The following GARRE1 variants were observed in gnomAD, a reference collection of about 807,000 sequenced individuals.
The protein encoded by GARRE1 is granule associated Rac and RHOG effector 1.
Under a neutral mutation model 103.2 loss-of-function variants are expected in GARRE1, and 49 were observed. That is an observed-to-expected ratio of 0.47 (90% CI 0.38 to 0.60). GARRE1 has a LOEUF of 0.60. Ranked by LOEUF, GARRE1 falls within the 20% of genes least tolerant of loss-of-function variation. GARRE1 has a pLI of 0.00. For missense variants in GARRE1, 1,199 were observed against 1,370.5 expected (o/e 0.87, Z 1.98); for synonymous variants, 505 against 532.8 (o/e 0.95, Z 0.72).
chr19:34,319,979 C>T lies in GARRE1; in HGVS notation c.568C>T (p.Gln190Ter). The stretch of plus-strand genomic sequence containing the variant: ...TTTGACTCATGCGTTACAGAAGGTC[C>T]AGCCGGTGGCTCACTCTTGCTTTGC... The part of the protein sequence containing the change: ...QFLTHALQKV[Q>*]PVAHSCFAEV... The change falls in exon 3 of 14, where the codon CAG becomes TAG. Residue 190 changes from glutamine (Q) to a stop codon, truncating the protein, a stop_gained. Coordinates refer to ENST00000299505, the MANE Select transcript of GARRE1 (RefSeq NM_014686.5). LOFTEE classifies it high-confidence loss of function. The T allele has an allele frequency of 6.2e-7, 1 of 1,614,228 alleles. No individual in the cohort carries two copies. Among genetic ancestry groups the T allele is most frequent in the Non-Finnish European group, 8.5e-7 (1 of 1,180,056 alleles).
intron 2 of GARRE1, 147 bp from the exon 3 acceptor site, chr19:34,319,760 T>C: frequency 1.4e-6 from 1 of 695,198 alleles, no homozygotes; most frequent in Admixed American, 2.5e-5. Flanking sequence ...AGGCAGATCC[T>C]TCTGAAGCAT....
chr19:34,307,576 T>C (rs1406956627), intron 2 of GARRE1, among the ~76,000 whole-genome samples: 2 of 147,538 alleles, frequency 1.4e-5, no homozygotes, highest in East Asian at 1.9e-4. Flanking sequence ...TTTTTATATA[T>C]GTATGTATAT....
At position 34,351,555 on chromosome 19, in the gene GARRE1, C is replaced by T. The variant is rs1352326707; in HGVS notation, c.2867C>T (p.Ser956Leu). The T allele has an allele frequency of 6.2e-7, 1 of 1,613,986 alleles. No homozygotes were observed. Among genetic ancestry groups the T allele is most frequent in the South Asian group, 1.1e-5 (1 of 91,070 alleles). Reference protein sequence around the residue: ...SGEQDTSTLPSPPLLTTVEDV... With the variant: ...SGEQDTSTLPLPPLLTTVEDV... ...GAGCAAGACACCAGCACGCTGCCCT[C>T]ACCACCTCTCCTCACCACGGTGGAG... is the stretch of plus-strand genomic sequence containing the variant. The change falls in exon 13 of 14, where the codon TCA becomes TTA. Residue 956 changes from serine to leucine, a missense_variant. Transcript: ENST00000299505.
At chr19:34,294,821 G>C (rs891087389) in intron 1 of GARRE1, among the ~76,000 whole-genome samples, 2 of 152,066 alleles carry the variant, frequency 1.3e-5, no homozygotes, top group Non-Finnish European at 2.9e-5. Context: ...CTATGGGTGG[G>C]CAGCAACACA....
At position 34,300,568 on chromosome 19, in the gene GARRE1, AC is replaced by A; in HGVS notation, c.98del (p.Pro33ArgfsTer9). ...CAGAAGGTGCAGCAGCACCAGCAAT[AC>A]CCGATGCCTGAGCTGGGCCGAGCAC... Reference protein sequence around the residue: ...SKQKVQQHQQYPMPELGRALS... With the variant: ...SKQKVQQHQQXPMPELGRALS... On this transcript the variant is annotated frameshift_variant, in exon 2 of 14. Transcript: ENST00000299505. LOFTEE classifies it high-confidence loss of function. 1 of 1,613,472 alleles carries A rather than the reference AC, an allele frequency of 6.2e-7. No individual in the cohort carries two copies. Among genetic ancestry groups the A allele is most frequent in the Non-Finnish European group, 8.5e-7 (1 of 1,180,002 alleles).
chr19:34,344,327 A>G (rs2145281927), intron 10 of GARRE1, among the ~76,000 whole-genome samples: 1 of 152,244 alleles, frequency 6.6e-6, no homozygotes, highest in Admixed American at 6.5e-5. Context: ...GCTGTGGCTC[A>G]CGCCTGTAAT....
chr19:34,334,949 A>T (rs1395374950), intron 8 of GARRE1, among the ~76,000 whole-genome samples: 2 of 151,768 alleles, frequency 1.3e-5, no homozygotes, highest in Non-Finnish European at 2.9e-5. Flanking sequence ...AGCTTAAGGC[A>T]GGAGAACCGC....
chr19:34,322,344 G>A (rs1249478777), intron 3 of GARRE1, among the ~76,000 whole-genome samples: 1 of 151,768 alleles, frequency 6.6e-6, no homozygotes, highest in Non-Finnish European at 1.5e-5. Context: ...GCTAATTTTT[G>A]TATTTTTAGT....
At chr19:34,346,072 G>A (rs945884994) in intron 10 of GARRE1, among the ~76,000 whole-genome samples, 3 of 152,162 alleles carry the variant, frequency 2.0e-5, no homozygotes, top group Admixed American at 6.5e-5. Flanking sequence ...TAGTGGCCCC[G>A]TCTAGATAGG....
rs1237715804 is a variant in GARRE1, at chr19:34,339,896, C to T, written c.1391C>T (p.Ser464Phe). 1 of 1,614,158 alleles carries T rather than the reference C, an allele frequency of 6.2e-7. No homozygotes were observed. Among genetic ancestry groups the T allele is most frequent in the Non-Finnish European group, 8.5e-7 (1 of 1,180,026 alleles). ...WCLKEDPATM[S>F]LLQRSLDPEK... ...CTGAAAGAAGACCCTGCTACCATGT[C>T]CCTGCTGCAGAGAAGCCTTGATCCT... Residue 464 changes from serine (S) to phenylalanine (F), a missense_variant, in exon 9 of 14, where the codon TCC (serine) becomes TTC (phenylalanine). Physicochemically the swap from Ser to Phe is radical, Grantham distance 155 (BLOSUM62 -2). Transcript: ENST00000299505.
intron 8 of GARRE1, among the ~76,000 whole-genome samples, chr19:34,335,967 C>A (rs900270580): frequency 8.6e-5 from 13 of 151,900 alleles, no homozygotes; most frequent in Middle Eastern, 3.4e-3. Flanking sequence ...CCAAAAAGTT[C>A]TTTTATTTTT....
intron 10 of GARRE1, among the ~76,000 whole-genome samples, chr19:34,347,151 C>T (rs997872397): frequency 1.3e-5 from 2 of 151,332 alleles, no homozygotes; most frequent in Non-Finnish European, 2.9e-5. Context: ...TGCAGTGGCA[C>T]GATCTCAGCT....
Position 34,328,035 on chromosome 19 carries a change from A to G in GARRE1, c.988A>G (p.Thr330Ala). The G allele has an allele frequency of 6.2e-6, 10 of 1,614,120 alleles. No homozygotes were observed. Among genetic ancestry groups the G allele is most frequent in the Non-Finnish European group, 8.5e-6 (10 of 1,180,016 alleles). ...AEAQQTGRRQ[T>A]PPQPMQCELP... is the part of the protein sequence containing the mutation. ...AGCCCAGCAGACGGGGCGGAGGCAG[A>G]CACCCCCGCAGCCCATGCAGTGTGA... Residue 330 changes from threonine to alanine, a missense_variant, in exon 6 of 14, where the codon ACA (threonine) becomes GCA (alanine). Transcript: ENST00000299505.
Position 34,341,461 on chromosome 19 carries a change from G to A in GARRE1, c.1527G>A (p.Arg509=), listed in dbSNP as rs2074185087. The A allele has an allele frequency of 6.2e-7, 1 of 1,613,584 alleles. No individual in the cohort carries two copies. Among genetic ancestry groups the A allele is most frequent in the African/African-American group, 1.3e-5 (1 of 74,766 alleles). Residue 509 remains arginine (R), a synonymous_variant, in exon 10 of 14, where the codon AGG becomes AGA. Transcript: ENST00000299505. ...CCTGCATACAGATCCAGCTGCAAAG[G>A]GAGATCTGTGATTTTGGCAACCAGG... is the stretch of plus-strand genomic sequence containing the variant. ...ALPCIQIQLQ[R]EICDFGNQAD...
At position 34,329,162 on chromosome 19, in the gene GARRE1, C is replaced by T. The variant is rs76700982; in HGVS notation, c.1104+1011C>T. The stretch of plus-strand genomic sequence containing the variant: ...GGTAGGGGTGCTGCCCTTTGGCCCA[C>T]CTGCCACATGGGAACTGATACCCAA... On this transcript the variant is annotated intron_variant, in intron 6 of 13. Coordinates refer to ENST00000299505, the MANE Select transcript of GARRE1 (RefSeq NM_014686.5). 8.1e-3 allele frequency among the ~76,000 whole-genome samples: 1,233 copies of T among 152,314 alleles called. 8 individuals are homozygous for T. The highest frequency in any genetic ancestry group is 0.028 in the African/African-American group (1,151 of 41,560).
In GARRE1 at chr19:34,353,382, AC is replaced by A. The variant is rs1402835657; in HGVS notation, c.*429del. On this transcript the variant is annotated 3_prime_UTR_variant, in exon 14 of 14. Coordinates refer to ENST00000299505, the MANE Select transcript of GARRE1 (RefSeq NM_014686.5). ...GGAAACCCTCTCCTCCCTCCTCCAC[AC>A]CTTGAGTGATGACCACACCAATCAC... is the stretch of plus-strand genomic sequence containing the variant. 1 of 189,408 alleles carries A rather than the reference AC, an allele frequency of 5.3e-6. No homozygotes were observed. The highest frequency in any genetic ancestry group is 1.1e-5 in the Non-Finnish European group (1 of 92,754). 11.7% of individuals were successfully genotyped at this position (189,408 alleles called of 1,614,324 possible).
chr19:34,327,870 C>T lies in GARRE1; in HGVS notation c.942+4C>T, dbSNP rs756258708. The stretch of plus-strand genomic sequence containing the variant: ...GGCGATTGAAGCAAGTTTGCAGGTA[C>T]ACTTTTCCTTCCTAAAGCTCTGGGG... On this transcript the variant is annotated splice_donor_region_variant and intron_variant, in intron 5 of 13. Transcript: ENST00000299505. 12 of 1,613,978 alleles carry T rather than the reference C, an allele frequency of 7.4e-6. No homozygotes were observed. Among genetic ancestry groups the T allele is most frequent in the African/African-American group, 2.7e-5 (2 of 74,932 alleles).
intron 8 of GARRE1, 54 bp downstream of exon 8, chr19:34,333,855 T>C: frequency 9.6e-7 from 1 of 1,038,846 alleles, no homozygotes; most frequent in Admixed American, 1.8e-5. Context: ...CGTTTGCACA[T>C]CTTTGAAATG....
chr19:34,309,025 G>A lies in GARRE1; in HGVS notation c.495+8057G>A, dbSNP rs80041913. The stretch of plus-strand genomic sequence containing the variant: ...TCATCACGTCTCCTGATGTGCTGCA[G>A]CAAGAACCGCACAACACATCTAATA... On this transcript the variant is annotated intron_variant, in intron 2 of 13. Transcript: ENST00000299505. Among the ~76,000 whole-genome samples, 637 of 151,944 alleles carry A rather than the reference G, an allele frequency of 4.2e-3. 3 individuals are homozygous for A. The highest frequency in any genetic ancestry group is 0.015 in the African/African-American group (606 of 41,442).
Sources: allele counts gnomAD v4.1 joint callset (sites outside exome capture counted in the v4.1 genomes callset), GRCh38; gene constraint gnomAD v4.1.1; transcripts MANE v1.5; gene names NCBI Gene and HGNC (gene_info 2026-07-23, HGNC 2026-07-21).